The following SLC14A2 variants were observed in gnomAD, a reference collection of about 807,000 sequenced individuals.
SLC14A2 encodes the protein solute carrier family 14 member 2.
SLC14A2 carries 91 observed loss-of-function variants against 104.6 expected under a neutral mutation model. That is an observed-to-expected ratio of 0.87 (90% confidence interval 0.73 to 1.04). The LOEUF is 1.04. Among genes scored for constraint, SLC14A2 ranks in the 50% least tolerant of loss-of-function variants. SLC14A2 has a pLI of 0.00. For missense variants in SLC14A2, 1,189 were observed against 1,156.0 expected (o/e 1.03, Z -0.41); for synonymous variants, 476 against 466.4 (o/e 1.02, Z -0.27).
chr18:45,171,720 T>A, the SLC14A2 span, among the ~76,000 whole-genome samples: 1 of 152,160 alleles, frequency 6.6e-6, no homozygotes, highest in African/African-American at 2.4e-5. Context: ...CCATGCTAGT[T>A]ATATTTTTCT....
intron 1 of SLC14A2, among the ~76,000 whole-genome samples, chr18:45,422,117 A>G (rs1036829426): frequency 3.9e-5 from 6 of 152,232 alleles, no homozygotes; most frequent in Non-Finnish European, 8.8e-5. Flanking sequence ...CTTGTCTGTT[A>G]GAAATAGGGA....
Position 45,308,628 on chromosome 18 carries a change from G to T in SLC14A2, c.-125+95437G>T, listed in dbSNP as rs530930798. ...GCCTGTGTCCTGGCATCTGGGAGGT[G>T]ATTCTCCTTGGAGCTGTCAGTGCCG... is the stretch of plus-strand genomic sequence containing the variant. On this transcript the variant is annotated intron_variant, in intron 1 of 20. Coordinates refer to the SLC14A2 transcript ENST00000586448. Among the ~76,000 whole-genome samples the T allele has an allele frequency of 1.9e-4, 29 of 152,264 alleles. No individual in the cohort carries two copies. The East Asian group carries it at 4.8e-3, about 25-fold the overall frequency.
At chr18:45,352,548 A>G (rs556659634) in intron 1 of SLC14A2, among the ~76,000 whole-genome samples, 37 of 152,310 alleles carry the variant, frequency 2.4e-4, no homozygotes, top group African/African-American at 8.7e-4. Context: ...TAGATTCCAC[A>G]GATAGAATGA....
intron 1 of SLC14A2, among the ~76,000 whole-genome samples, chr18:45,336,659 G>A (rs928714634): frequency 2.6e-5 from 4 of 152,092 alleles, no homozygotes; most frequent in South Asian, 2.1e-4. Context: ...ATATGTATTG[G>A]CCTCCAGCCC....
intron 1 of SLC14A2, chr18:45,435,131 T>C (rs1299394764): frequency 6.6e-6 from 1 of 152,222 alleles, no homozygotes; most frequent in Non-Finnish European, 1.5e-5. Flanking sequence ...GAAACTTTAA[T>C]ATACAGTTCT....
chr18:45,200,016 C>T, the SLC14A2 span, among the ~76,000 whole-genome samples: 3 of 152,328 alleles, frequency 2.0e-5, no homozygotes, highest in South Asian at 6.2e-4. Context: ...CTAGTCTCAA[C>T]TCCCTGGTGG....
At chr18:45,364,504 A>G (rs2085647423) in intron 1 of SLC14A2, among the ~76,000 whole-genome samples, 1 of 152,254 alleles carries the variant, frequency 6.6e-6, no homozygotes, top group African/African-American at 2.4e-5. Flanking sequence ...ATTAACTTAT[A>G]CATGAACATA....
rs1333380899 is a variant in SLC14A2, at chr18:45,625,867, G to A, written c.331+4G>A. 6.9e-7 allele frequency: 1 copy of A among 1,455,734 alleles called. No individual in the cohort carries two copies. The highest frequency in any genetic ancestry group is 2.7e-5 in the East Asian group (1 of 36,844). 90.2% of individuals were successfully genotyped at this position (1,455,734 alleles called of 1,614,324 possible). On this transcript the variant is annotated splice_donor_region_variant and intron_variant, in intron 3 of 19. Transcript: ENST00000255226. ...GAGTACAGGATCTGGCTGAAAGGTAGGAAAATACCCTGGGGAGAGGCAGCC... is the reference window on the plus strand; with the variant it reads ...GAGTACAGGATCTGGCTGAAAGGTAAGAAAATACCCTGGGGAGAGGCAGCC...
intron 1 of SLC14A2, among the ~76,000 whole-genome samples, chr18:45,278,400 G>T (rs773712454): frequency 6.6e-6 from 1 of 152,154 alleles, no homozygotes; most frequent in Non-Finnish European, 1.5e-5. Context: ...GCACCCACCG[G>T]TTGTCAAATA....
At position 45,682,514 on chromosome 18, in the gene SLC14A2, T is replaced by A. The variant is rs1476314646; in HGVS notation, c.2758T>A (p.Ser920Thr). The A allele has an allele frequency of 1.2e-6, 2 of 1,613,326 alleles. No individual in the cohort carries two copies. Among genetic ancestry groups the A allele is most frequent in the African/African-American group, 2.7e-5 (2 of 74,916 alleles). ...IITKYQAYDV[S>T] is the part of the protein sequence containing the mutation. ...AACAAAGTATCAGGCCTACGATGTC[T>A]CCTAAGTTTCCCTGTCTAAAACACA... The change falls in exon 20 of 20, where the codon TCC becomes ACC. Residue 920 changes from serine to threonine, a missense_variant. By Grantham distance (58) the Ser-to-Thr change is moderately conservative. Transcript: ENST00000255226.
chr18:45,308,070 T>C (rs1032567223), intron 1 of SLC14A2, among the ~76,000 whole-genome samples: 9 of 152,064 alleles, frequency 5.9e-5, no homozygotes, highest in African/African-American at 2.2e-4. Context: ...GAATTTAGAA[T>C]GAGAATCACT....
At chr18:45,244,911 C>T (rs1323171357) in intron 1 of SLC14A2, among the ~76,000 whole-genome samples, 1 of 152,136 alleles carries the variant, frequency 6.6e-6, no homozygotes, top group East Asian at 1.9e-4. Flanking sequence ...TTCATTCCAG[C>T]CAATACCTAC....
At chr18:45,219,591 T>C (rs1402529713) in intron 1 of SLC14A2, among the ~76,000 whole-genome samples, 3 of 152,302 alleles carry the variant, frequency 2.0e-5, no homozygotes, top group Admixed American at 6.5e-5. Flanking sequence ...ATTTGCAAAA[T>C]AGCAAAGAGA....
intron 2 of SLC14A2, among the ~76,000 whole-genome samples, chr18:45,512,168 T>C (rs1033893510): frequency 2.0e-5 from 3 of 152,188 alleles, no homozygotes; most frequent in African/African-American, 7.2e-5. Context: ...AGAGAAATGC[T>C]TGGGAACTAT....
chr18:45,472,265 C>G (rs11664868), intron 1 of SLC14A2, among the ~76,000 whole-genome samples: 4 of 152,178 alleles, frequency 2.6e-5, no homozygotes, highest in African/African-American at 9.7e-5. Context: ...TTTTCTTTAT[C>G]CAGTCTATCA....
intron 1 of SLC14A2, among the ~76,000 whole-genome samples, chr18:45,240,074 T>A (rs1214946061): frequency 6.6e-6 from 1 of 150,520 alleles, no homozygotes; most frequent in Non-Finnish European, 1.5e-5. Context: ...GTAATAAACA[T>A]GAGAGTGCAA....
chr18:45,368,893 T>A (rs913425201), intron 1 of SLC14A2, among the ~76,000 whole-genome samples: 2 of 152,192 alleles, frequency 1.3e-5, no homozygotes, highest in African/African-American at 4.8e-5. Flanking sequence ...ATTTTCAAAA[T>A]TTTTCAGCCA....
chr18:45,174,895 A>G, the SLC14A2 span, among the ~76,000 whole-genome samples: 2 of 152,180 alleles, frequency 1.3e-5, no homozygotes, highest in African/African-American at 4.8e-5. Flanking sequence ...ATAATAAGGG[A>G]AATGGAAATG....
chr18:45,251,174 C>A (rs1568121306), intron 1 of SLC14A2, among the ~76,000 whole-genome samples: 1 of 152,182 alleles, frequency 6.6e-6, no homozygotes, highest in Non-Finnish European at 1.5e-5. Context: ...ATCCCTCACC[C>A]TCTTCCTGCC....
Sources: allele counts gnomAD v4.1 joint callset (sites outside exome capture counted in the v4.1 genomes callset), GRCh38; gene constraint gnomAD v4.1.1; transcripts MANE v1.5; gene names NCBI Gene and HGNC (gene_info 2026-07-23, HGNC 2026-07-21).